Variants in IMMP2L observed in about 807,000 individuals in gnomAD.
The protein encoded by IMMP2L is inner mitochondrial membrane peptidase subunit 2.
A neutral mutation model predicts 19.3 loss-of-function variants in IMMP2L; 18 were observed. The ratio of observed to expected loss-of-function variants is 0.93; its 90% CI spans 0.64 to 1.38. The LOEUF (loss-of-function observed/expected upper bound fraction) is 1.38. Among genes scored for constraint, IMMP2L ranks in the 40% most tolerant of loss-of-function variants. IMMP2L has a pLI of 0.00. For missense variants in IMMP2L, 233 were observed against 218.2 expected, an observed-to-expected ratio of 1.07 and a Z score of -0.43; for synonymous variants, 76 against 73.0, an observed-to-expected ratio of 1.04 and a Z score of -0.21.
intron 3 of IMMP2L, among the ~76,000 whole-genome samples, chr7:111,157,145 G>A (rs116647418): frequency 6.6e-6 from 1 of 151,936 alleles, no homozygotes; most frequent in Non-Finnish European, 1.5e-5. Context: ...AATTAGTACC[G>A]CCACTACAGC....
intron 4 of IMMP2L, among the ~76,000 whole-genome samples, chr7:110,896,620 ATTTTT>A (rs2129546716): frequency 2.5e-4 from 7 of 27,768 alleles, no homozygotes; most frequent in African/African-American, 5.8e-4. Flanking sequence ...CCTTTCAAAA[ATTTTT>A]AATTTCAAAA....
chr7:111,209,667 A>G (rs79599842), intron 3 of IMMP2L, among the ~76,000 whole-genome samples: 2,356 of 152,268 alleles, frequency 0.015, 59 homozygotes, highest in African/African-American at 0.052. Context: ...TTTCAAAAAC[A>G]TAATTGTGTT....
chr7:110,668,801 TAG>T (rs10536678), intron 5 of IMMP2L, among the ~76,000 whole-genome samples: 69,610 of 150,916 alleles, frequency 0.46, 16,862 homozygotes, highest in African/African-American at 0.6. Flanking sequence ...TTGAGAATAA[TAG>T]AGAGAGAGAG....
chr7:111,071,874 A>G (rs1321549777), intron 3 of IMMP2L, among the ~76,000 whole-genome samples: 1 of 152,182 alleles, frequency 6.6e-6, no homozygotes, highest in East Asian at 1.9e-4. Context: ...TTTATAAATG[A>G]TTACTTTTAT....
At chr7:111,454,112 T>C (rs184553947) in intron 3 of IMMP2L, among the ~76,000 whole-genome samples, 53 of 152,104 alleles carry the variant, frequency 3.5e-4, no homozygotes, top group Non-Finnish European at 1.9e-4. Context: ...ATAAAAAACT[T>C]TGGACTTTTT....
chr7:111,103,635 TAA>T (rs1413053998), intron 3 of IMMP2L, among the ~76,000 whole-genome samples: 2 of 151,776 alleles, frequency 1.3e-5, no homozygotes, highest in African/African-American at 4.8e-5. Flanking sequence ...CCTGTAAGTT[TAA>T]GTTACAGCAA....
At chr7:111,028,413 C>CA (rs1563173695) in intron 3 of IMMP2L, among the ~76,000 whole-genome samples, 1 of 152,080 alleles carries the variant, frequency 6.6e-6, no homozygotes, top group Non-Finnish European at 1.5e-5. Flanking sequence ...ACATATTATA[C>CA]AAATTAGATC....
intron 3 of IMMP2L, among the ~76,000 whole-genome samples, chr7:111,135,170 TA>T (rs773411280): frequency 8.7e-4 from 132 of 152,190 alleles, no homozygotes; most frequent in Non-Finnish European, 8.1e-4. Flanking sequence ...CCAGAAGATA[TA>T]AAACACCATA....
intron 3 of IMMP2L, among the ~76,000 whole-genome samples, chr7:111,011,098 C>A (rs182638631): frequency 6.6e-6 from 1 of 151,552 alleles, no homozygotes; most frequent in African/African-American, 2.4e-5. Context: ...GTGGCACTGA[C>A]GAGAGGGTAG....
chr7:111,545,372 CTTG>C (rs1489189652), intron 1 of IMMP2L, among the ~76,000 whole-genome samples: 6 of 151,996 alleles, frequency 3.9e-5, no homozygotes, highest in Non-Finnish European at 7.4e-5. Flanking sequence ...ATGTTTTAAT[CTTG>C]TTGTTTTTTC....
At chr7:110,750,977 G>T (rs1051777316) in intron 5 of IMMP2L, among the ~76,000 whole-genome samples, 4 of 151,966 alleles carry the variant, frequency 2.6e-5, no homozygotes, top group Non-Finnish European at 5.9e-5. Context: ...ATACTACTTG[G>T]TTCAAGTGGA....
chr7:110,793,084 AT>A (rs1800581470), intron 5 of IMMP2L, among the ~76,000 whole-genome samples: 2 of 152,068 alleles, frequency 1.3e-5, no homozygotes, highest in Admixed American at 6.6e-5. Context: ...AGTTGGGGAA[AT>A]GGGGAGAAAC....
At position 110,711,808 on chromosome 7, in the gene IMMP2L, C is replaced by T. The variant is rs1182283029; in HGVS notation, c.409-48087G>A. Among the ~76,000 whole-genome samples, 12 of 7,640 alleles carry T rather than the reference C, an allele frequency of 1.6e-3. 2 individuals are homozygous for T. The highest frequency in any genetic ancestry group is 0.045 in the Middle Eastern group (1 of 22). 5.0% of individuals were successfully genotyped at this position (7,640 alleles called of 152,430 possible). On this transcript the variant is annotated intron_variant, in intron 5 of 5. Transcript: ENST00000405709. ...TTCTTCCAGTTGATCGCATCGGCTC[C>T]TGAGGCTTCTGCATTCTTCACGTAG...
intron 5 of IMMP2L, among the ~76,000 whole-genome samples, chr7:110,759,174 A>T (rs1798204484): frequency 6.6e-6 from 1 of 152,064 alleles, no homozygotes; most frequent in African/African-American, 2.4e-5. Flanking sequence ...TGTCACTGCC[A>T]CTGGAAGACA....
At chr7:111,073,047 TAGATA>T (rs1336969231) in intron 3 of IMMP2L, among the ~76,000 whole-genome samples, 1 of 152,114 alleles carries the variant, frequency 6.6e-6, no homozygotes. Context: ...GAATATATAT[TAGATA>T]ATAGCACTGT....
intron 3 of IMMP2L, among the ~76,000 whole-genome samples, chr7:111,143,667 C>G (rs1803172639): frequency 6.6e-6 from 1 of 152,022 alleles, no homozygotes; most frequent in Non-Finnish European, 1.5e-5. Context: ...TGGAATAATA[C>G]CTTTAAAAAA....
At chr7:111,461,906 A>G (rs962242368) in intron 3 of IMMP2L, among the ~76,000 whole-genome samples, 1 of 152,038 alleles carries the variant, frequency 6.6e-6, no homozygotes, top group Non-Finnish European at 1.5e-5. Flanking sequence ...ATAATTTGCC[A>G]CTATAATGTT....
chr7:111,391,694 T>C, intron 3 of IMMP2L: 1 of 510,130 alleles, frequency 2.0e-6, no homozygotes, highest in Non-Finnish European at 3.5e-6. Context: ...ACAGAATGAC[T>C]ATCCAAAGAT....
At chr7:111,434,377 T>C (rs1430563507) in intron 3 of IMMP2L, among the ~76,000 whole-genome samples, 1 of 149,758 alleles carries the variant, frequency 6.7e-6, no homozygotes, top group African/African-American at 2.5e-5. Flanking sequence ...GAGGATTAAA[T>C]ACAGTAAAAA....
Sources: gnomAD v4.1 joint callset for allele counts (sites outside exome capture counted in the v4.1 genomes callset) on GRCh38, gnomAD v4.1.1 for gene constraint, MANE v1.5 for transcripts, NCBI Gene and HGNC (gene_info 2026-07-23, HGNC 2026-07-21) for gene names.